Variants in PCSK6 observed in about 807,000 individuals in gnomAD.
PCSK6 encodes the protein proprotein convertase subtilisin/kexin type 6, also known as paired basic amino acid cleaving enzyme 4.
PCSK6 carries 85 observed loss-of-function variants against 123.3 expected under a neutral mutation model. The observed-to-expected ratio is 0.69, with a 90% CI of 0.58 to 0.83. PCSK6 has a LOEUF of 0.83. PCSK6 is among the 40% of genes least tolerant of loss of function. The pLI is 0.00. For missense variants in PCSK6, 1,191 were observed against 1,282.3 expected (o/e 0.93, Z 1.09); for synonymous variants, 508 against 516.0 (o/e 0.98, Z 0.21).
intron 13 of PCSK6, among the ~76,000 whole-genome samples, chr15:101,356,391 T>A (rs1351814849): frequency 2.0e-5 from 3 of 151,000 alleles, no homozygotes; most frequent in African/African-American, 7.3e-5. Context: ...CTGGGTGCAG[T>A]GGCTCACCCT....
intron 6 of PCSK6, among the ~76,000 whole-genome samples, chr15:101,424,462 A>G (rs1028213356): frequency 1.3e-5 from 2 of 152,234 alleles, no homozygotes; most frequent in Non-Finnish European, 2.9e-5. Context: ...AAAATTGGAG[A>G]GAATTTTTCA....
intron 1 of PCSK6, among the ~76,000 whole-genome samples, chr15:101,481,616 G>C (rs540669787): frequency 6.6e-6 from 1 of 152,290 alleles, no homozygotes; most frequent in African/African-American, 2.4e-5. Context: ...GGGCAATGCA[G>C]GGAGCCTGAG....
chr15:101,336,202 T>C (rs576369817), intron 13 of PCSK6, among the ~76,000 whole-genome samples: 15 of 152,342 alleles, frequency 9.8e-5, no homozygotes, highest in Admixed American at 9.1e-4. Context: ...AATTACTTCA[T>C]CTCTGTTCCT....
intron 19 of PCSK6, among the ~76,000 whole-genome samples, chr15:101,317,483 A>C (rs528826741): frequency 6.6e-6 from 1 of 151,498 alleles, no homozygotes; most frequent in South Asian, 2.1e-4. Flanking sequence ...CAATTATAAT[A>C]CATGTAAAAT....
intron 6 of PCSK6, among the ~76,000 whole-genome samples, chr15:101,402,840 A>C (rs1289728758): frequency 6.6e-6 from 1 of 152,066 alleles, no homozygotes; most frequent in Non-Finnish European, 1.5e-5. Context: ...AAACTAGTTC[A>C]ACCATTGTGG....
chr15:101,416,734 C>T (rs896784270), intron 6 of PCSK6, among the ~76,000 whole-genome samples: 14 of 152,244 alleles, frequency 9.2e-5, no homozygotes, highest in East Asian at 1.9e-4. Flanking sequence ...AAGGAGCCAA[C>T]GTACAGCTTG....
At chr15:101,468,004 C>A (rs1454946823) in intron 1 of PCSK6, among the ~76,000 whole-genome samples, 1 of 152,118 alleles carries the variant, frequency 6.6e-6, no homozygotes, top group Admixed American at 6.5e-5. Flanking sequence ...GTATAACCAA[C>A]AAATATATTG....
chr15:101,364,228 G>A (rs962186643), intron 13 of PCSK6, among the ~76,000 whole-genome samples: 3 of 152,158 alleles, frequency 2.0e-5, no homozygotes, highest in Non-Finnish European at 2.9e-5. Context: ...AGGGCACAGG[G>A]AACGACGGAA....
At chr15:101,459,242 G>A (rs913953020) in intron 1 of PCSK6, among the ~76,000 whole-genome samples, 1 of 152,132 alleles carries the variant, frequency 6.6e-6, no homozygotes, top group Non-Finnish European at 1.5e-5. Context: ...AAGCCCCTAC[G>A]TGCCTGCACA....
chr15:101,319,111 C>T (rs1265499493), intron 18 of PCSK6, among the ~76,000 whole-genome samples: 1 of 152,244 alleles, frequency 6.6e-6, no homozygotes, highest in East Asian at 1.9e-4. Context: ...GCCAGCCAGC[C>T]CCTCTACATC....
At chr15:101,368,013 CAA>C (rs1287749453) in intron 12 of PCSK6, among the ~76,000 whole-genome samples, 1 of 152,182 alleles carries the variant, frequency 6.6e-6, no homozygotes, top group Non-Finnish European at 1.5e-5. Flanking sequence ...TTAGTAGAGA[CAA>C]GAGTTGGCCA....
intron 19 of PCSK6, among the ~76,000 whole-genome samples, chr15:101,317,688 A>G (rs2040023754): frequency 2.6e-5 from 4 of 152,198 alleles, no homozygotes; most frequent in Admixed American, 2.6e-4. Context: ...CTCTGAGACA[A>G]GATGGCTTAT....
chr15:101,398,245 C>T lies in PCSK6; in HGVS notation c.996+159G>A, dbSNP rs930057679. Among the ~76,000 whole-genome samples, 4 of 152,244 alleles carry T rather than the reference C, an allele frequency of 2.6e-5. No homozygotes were observed. The highest frequency in any genetic ancestry group is 5.9e-5 in the Non-Finnish European group (4 of 68,044). The stretch of plus-strand genomic sequence containing the variant: ...CGCCGGTCAAGAGCCACTTCTCAGA[C>T]TCCCCGAGTGACTCCTCCACACTGG... On this transcript the variant is annotated intron_variant, in intron 7 of 21. Transcript: ENST00000611716. This position sits in a 1 kb window ranked among gnomAD's most constrained non-coding sequence, Gnocchi z 4.6.
chr15:101,324,990 C>T lies in PCSK6; in HGVS notation c.2237G>A (p.Cys746Tyr), dbSNP rs1385066778. The change falls in exon 17 of 22, where the codon TGT becomes TAT. Residue 746 changes from cysteine (C) to tyrosine (Y), a missense_variant. Coordinates refer to ENST00000611716, the MANE Select transcript of PCSK6 (RefSeq NM_002570.5). ...CTCACACCCCTTGTGGCACCGGCGA[C>T]AGCGTCTTGCTGCTGTGTCCCCAAA... is the stretch of plus-strand genomic sequence containing the variant. ...GYFGDTAARR[C>Y]RRCHKGCETC... The T allele has an allele frequency of 6.2e-7, 1 of 1,612,770 alleles. No homozygotes were observed.
intron 1 of PCSK6, among the ~76,000 whole-genome samples, chr15:101,457,109 T>C (rs2057205733): frequency 6.6e-6 from 1 of 151,240 alleles, no homozygotes; most frequent in South Asian, 2.1e-4. Flanking sequence ...GAGGCGGAGG[T>C]TGCAGTGAGC....
At chr15:101,314,507 C>G (rs1398908147) in intron 19 of PCSK6, among the ~76,000 whole-genome samples, 1 of 152,234 alleles carries the variant, frequency 6.6e-6, no homozygotes, top group Non-Finnish European at 1.5e-5. Context: ...AGATCGAGGC[C>G]TTGCAGTCTG....
chr15:101,374,821 A>C (rs1159500453), intron 11 of PCSK6, among the ~76,000 whole-genome samples: 1 of 152,220 alleles, frequency 6.6e-6, no homozygotes, highest in African/African-American at 2.4e-5. Context: ...CTTCTAGGTC[A>C]CTTCTCAGAC....
intron 20 of PCSK6, among the ~76,000 whole-genome samples, chr15:101,310,837 G>A (rs2039841099): frequency 6.6e-6 from 1 of 152,176 alleles, no homozygotes; most frequent in African/African-American, 2.4e-5. Context: ...TACCCAGCTG[G>A]CAGCCAGCCA....
intron 13 of PCSK6, among the ~76,000 whole-genome samples, chr15:101,348,141 C>T (rs2040787643): frequency 1.3e-5 from 2 of 150,364 alleles, no homozygotes; most frequent in African/African-American, 2.4e-5. Flanking sequence ...AAGCCACAAC[C>T]CCCGCCCCCC....
Sources: allele counts gnomAD v4.1 joint callset (sites outside exome capture counted in the v4.1 genomes callset), GRCh38; gene constraint gnomAD v4.1.1; non-coding constraint Gnocchi (gnomAD v3.1); transcripts MANE v1.5; gene names NCBI Gene and HGNC (gene_info 2026-07-23, HGNC 2026-07-21).